Variants in RETREG3 observed in about 807,000 individuals in gnomAD.
RETREG3 encodes reticulophagy regulator family member 3.
In RETREG3, 23 loss-of-function variants were observed where a neutral mutation model predicts 50.2. That is an observed-to-expected ratio of 0.46 (90% CI 0.33 to 0.65). RETREG3 has a LOEUF of 0.65. RETREG3 is among the 30% of genes least tolerant of loss of function. The pLI, the probability that RETREG3 is intolerant of heterozygous loss-of-function variation, is 0.02. For synonymous variants in RETREG3, 240 were observed against 234.4 expected, an observed-to-expected ratio of 1.02 and a Z score of -0.22; for missense variants, 546 against 598.0, an observed-to-expected ratio of 0.91 and a Z score of 0.91.
intron 1 of RETREG3, among the ~76,000 whole-genome samples, chr17:42,597,517 GTGTGTGTATA>G (rs2093147860): frequency 8.1e-6 from 1 of 123,918 alleles, no homozygotes; most frequent in Non-Finnish European, 1.7e-5. Context: ...GTGTGTGTGT[GTGTGTGTATA>G]TATATATATA....
rs139294503 is a variant in RETREG3 at position 42,582,700 on chromosome 17, T to G, written c.917A>C (p.Gln306Pro). Residue 306 changes from glutamine to proline, a missense_variant, in exon 8 of 9, where the codon CAA becomes CCA. By Grantham distance (76) the Gln-to-Pro change is moderately conservative (BLOSUM62 -1). Coordinates refer to ENST00000309428, the MANE Select transcript of RETREG3 (RefSeq NM_178126.4). ...DNGTFNLSRGQTPLTEGSEDL... is the reference protein window; with the variant it reads ...DNGTFNLSRGPTPLTEGSEDL... ...TTCAGAGCCTTCCGTTAGAGGTGTT[T>G]GGCCCCTTGAAAGATTGAATGTGCC... 6 of 1,614,136 alleles carry G rather than the reference T, an allele frequency of 3.7e-6. No individual in the cohort carries two copies. In the African/African-American group the frequency reaches 8.0e-5, roughly 22 times the overall value.
In RETREG3 at chr17:42,597,181, T is replaced by A. The variant is rs1294783562; in HGVS notation, c.240-5019A>T. Among the ~76,000 whole-genome samples the A allele has an allele frequency of 4.7e-5, 7 of 148,288 alleles. No homozygotes were observed. The East Asian group carries it at 1.4e-3, about 29-fold the overall frequency. ...GAGCCGCTGTACCTGGCCAGAAGAA[T>A]CTATTTTTTCTTTTTTTTTTTTTTT... On this transcript the variant is annotated intron_variant, in intron 1 of 8. Coordinates refer to ENST00000309428, the MANE Select transcript of RETREG3 (RefSeq NM_178126.4).
rs1307720752 is a variant in RETREG3 at position 42,584,715 on chromosome 17, GC to G, written c.727+409del. The stretch of plus-strand genomic sequence containing the variant: ...CCCAGCTACTGAAGGGTTTGGCGGG[GC>G]TGAGTAGAAGGATCACTTGAGCCTG... On this transcript the variant is annotated intron_variant, in intron 6 of 8. Coordinates refer to ENST00000309428, the MANE Select transcript of RETREG3 (RefSeq NM_178126.4). Among the ~76,000 whole-genome samples, 17 of 151,658 alleles carry G rather than the reference GC, an allele frequency of 1.1e-4. No homozygotes were observed. The East Asian group carries it at 3.1e-3, about 28-fold the overall frequency.
At chr17:42,585,028 T>A in intron 6 of RETREG3, 97 bp downstream of exon 6, 4 of 1,471,634 alleles carry the variant, frequency 2.7e-6, no homozygotes, top group Non-Finnish European at 3.7e-6. Flanking sequence ...TACCCCCGAC[T>A]TCCACTTTTG....
At chr17:42,604,690 C>G (rs551816058) in intron 1 of RETREG3, among the ~76,000 whole-genome samples, 2 of 140,364 alleles carry the variant, frequency 1.4e-5, no homozygotes, top group Non-Finnish European at 3.0e-5. Flanking sequence ...CCCCGATTCC[C>G]CAGCAAAAAA....
intron 2 of RETREG3, among the ~76,000 whole-genome samples, chr17:42,591,094 T>C (rs1043513683): frequency 1.3e-5 from 2 of 152,256 alleles, no homozygotes; most frequent in African/African-American, 4.8e-5. Context: ...TGTCAGGAAA[T>C]GCTTTGCAAC....
At chr17:42,602,288 G>A (rs996554797) in intron 1 of RETREG3, among the ~76,000 whole-genome samples, 2 of 150,730 alleles carry the variant, frequency 1.3e-5, no homozygotes, top group African/African-American at 4.9e-5. Flanking sequence ...CTGCACTCCA[G>A]TCTGGGCCAC....
chr17:42,581,819 G>T lies in RETREG3; in HGVS notation c.1395C>A (p.Ser465Arg). ...CCCAAAAGGAGTCTCTGCCTCAGTG[G>T]CTCCTAGAACTGGCAGGGTCCAGCT... is the stretch of plus-strand genomic sequence containing the variant. ...LSQLDPASSRSH is the reference protein window; with the variant it reads ...LSQLDPASSRRH The change falls in exon 9 of 9, where the codon AGC (serine) becomes AGA (arginine). Residue 465 changes from serine (S) to arginine (R), a missense_variant. Coordinates refer to ENST00000309428, the MANE Select transcript of RETREG3 (RefSeq NM_178126.4). 6.4e-7 allele frequency: 1 copy of T among 1,569,886 alleles called. No individual in the cohort carries two copies. The highest frequency in any genetic ancestry group is 8.6e-7 in the Non-Finnish European group (1 of 1,157,386).
intron 6 of RETREG3, 142 bp downstream of exon 6, chr17:42,584,982 TA>T: frequency 2.0e-6 from 2 of 996,688 alleles, no homozygotes; most frequent in Non-Finnish European, 2.9e-6. Context: ...TAGAACAGAA[TA>T]TCATTTTTAC....
At position 42,586,746 on chromosome 17, in the gene RETREG3, A is replaced by C. The variant is rs2093122066; in HGVS notation, c.504+19T>G. On this transcript the variant is annotated intron_variant, in intron 4 of 8. Coordinates refer to ENST00000309428, the MANE Select transcript of RETREG3 (RefSeq NM_178126.4). Reference sequence around the variant, plus strand: ...AACTGAGAGGCCAGAGATGAAAGTGAAAAAGGGAAGAGTCTTACCTTGCCT... The same window carrying C: ...AACTGAGAGGCCAGAGATGAAAGTGCAAAAGGGAAGAGTCTTACCTTGCCT... 1.2e-6 allele frequency: 2 copies of C among 1,611,292 alleles called. No individual in the cohort carries two copies. Among genetic ancestry groups the C allele is most frequent in the Non-Finnish European group, 1.7e-6 (2 of 1,178,268 alleles).
At chr17:42,582,612 T>G in intron 8 of RETREG3, 62 bp downstream of exon 8, 1 of 1,605,516 alleles carries the variant, frequency 6.2e-7, no homozygotes, top group Non-Finnish European at 8.5e-7. Flanking sequence ...TCCCCTCTGT[T>G]CAGGGAAGCT....
chr17:42,587,980 T>C (rs866819145), intron 2 of RETREG3, 116 bp from the exon 3 acceptor site: 1 of 1,150,164 alleles, frequency 8.7e-7, no homozygotes, highest in African/African-American at 1.5e-5. Context: ...AAAACAGTAA[T>C]AGCCGATAAA....
At chr17:42,603,073 C>G (rs570944475) in intron 1 of RETREG3, among the ~76,000 whole-genome samples, 1 of 151,810 alleles carries the variant, frequency 6.6e-6, no homozygotes, top group Non-Finnish European at 1.5e-5. Flanking sequence ...TGAACTGTCC[C>G]TCCACTCTGT....
chr17:42,587,020 G>A, intron 3 of RETREG3, 129 bp from the exon 4 acceptor site: 3 of 1,260,626 alleles, frequency 2.4e-6, no homozygotes, highest in Non-Finnish European at 3.3e-6. Flanking sequence ...TGCTTTGGAG[G>A]TGAAGCATGA....
chr17:42,585,024 C>T (rs2093118285), intron 6 of RETREG3, 101 bp downstream of exon 6: 6 of 1,456,206 alleles, frequency 4.1e-6, no homozygotes, highest in African/African-American at 1.4e-5. Context: ...CAACTACCCC[C>T]GACTTCCACT....
intron 1 of RETREG3, chr17:42,605,141 T>A (rs2093165477): frequency 6.7e-6 from 1 of 150,292 alleles, no homozygotes; most frequent in Admixed American, 6.6e-5. Flanking sequence ...GGTATCTACA[T>A]CTATCTCCAT....
At chr17:42,595,444 T>G (rs1368868322) in intron 1 of RETREG3, among the ~76,000 whole-genome samples, 1 of 151,462 alleles carries the variant, frequency 6.6e-6, no homozygotes. Flanking sequence ...TGACCCAGGC[T>G]GGAGTGCAGT....
At chr17:42,583,648 G>C in intron 6 of RETREG3, 68 bp from the exon 7 acceptor site, 1 of 1,459,122 alleles carries the variant, frequency 6.9e-7, no homozygotes, top group Non-Finnish European at 9.4e-7. Flanking sequence ...GGACTTTAAA[G>C]ACATAAAATC....
chr17:42,587,773 C>T, intron 3 of RETREG3, 61 bp downstream of exon 3: 1 of 1,591,946 alleles, frequency 6.3e-7, no homozygotes, highest in Non-Finnish European at 8.6e-7. Context: ...CAACATGTAA[C>T]CAGAATATTA....
Sources: allele counts gnomAD v4.1 joint callset (sites outside exome capture counted in the v4.1 genomes callset), GRCh38; gene constraint gnomAD v4.1.1; transcripts MANE v1.5; gene names NCBI Gene and HGNC (gene_info 2026-07-23, HGNC 2026-07-21).